Variants in MAST4 observed in about 807,000 individuals in gnomAD.
The protein encoded by MAST4 is microtubule associated serine/threonine kinase family member 4.
MAST4 carries 89 observed loss-of-function variants against 162.7 expected under a neutral mutation model. The observed-to-expected ratio is 0.55, with a 90% CI of 0.46 to 0.65. MAST4 has a LOEUF of 0.65. Ranked by LOEUF, MAST4 falls within the 30% of genes least tolerant of loss-of-function variation. The pLI is 0.00. For missense variants in MAST4, 3,153 were observed against 3,374.0 expected, an observed-to-expected ratio of 0.93 and a Z score of 1.62; for synonymous variants, 1,479 against 1,361.1, an observed-to-expected ratio of 1.09 and a Z score of -1.91.
At chr5:67,142,076 T>A (rs371003210) in intron 19 of MAST4, 39 bp from the exon 20 acceptor site, 134 of 1,604,064 alleles carry the variant, frequency 8.4e-5, no homozygotes, top group Non-Finnish European at 1.1e-4. Flanking sequence ...TGGGGATAGT[T>A]TAACACTTTC....
intron 3 of MAST4, among the ~76,000 whole-genome samples, chr5:66,826,324 A>G (rs1404340925): frequency 6.6e-6 from 1 of 152,016 alleles, no homozygotes; most frequent in African/African-American, 2.4e-5. Flanking sequence ...TTTTATCTCA[A>G]AATATTCCTT....
At chr5:66,813,162 T>C (rs542376053) in intron 3 of MAST4, among the ~76,000 whole-genome samples, 10 of 152,360 alleles carry the variant, frequency 6.6e-5, no homozygotes, top group African/African-American at 1.9e-4. Flanking sequence ...TATATAGTTA[T>C]TAACTTTTTA....
In MAST4 at chr5:67,047,669, A is replaced by G. The variant is rs145440435; in HGVS notation, c.675-6735A>G. Among the ~76,000 whole-genome samples, 212 of 152,324 alleles carry G rather than the reference A, an allele frequency of 1.4e-3. 6 individuals are homozygous for G. The highest frequency in any genetic ancestry group is 4.9e-3 in the African/African-American group (205 of 41,578). ...GCAGAGATTTTTGTTTGTTTAGAAT[A>G]GTGCCTAGCATATCTTAGGCACTCA... On this transcript the variant is annotated intron_variant, in intron 4 of 28. Transcript: ENST00000403625.
chr5:67,158,086 G>C (rs1772754479), intron 26 of MAST4, among the ~76,000 whole-genome samples: 1 of 152,100 alleles, frequency 6.6e-6, no homozygotes, highest in Admixed American at 6.5e-5. Flanking sequence ...CGCCATGCTT[G>C]TTGCCCCTTT....
intron 3 of MAST4, among the ~76,000 whole-genome samples, chr5:66,837,845 T>A (rs949752069): frequency 7.0e-6 from 1 of 143,366 alleles, no homozygotes; most frequent in Non-Finnish European, 1.5e-5. Flanking sequence ...TTCTATCAAG[T>A]CTCAAGTGAG....
At chr5:66,721,938 A>G (rs550045964) in intron 1 of MAST4, among the ~76,000 whole-genome samples, 1 of 152,098 alleles carries the variant, frequency 6.6e-6, no homozygotes, top group East Asian at 1.9e-4. Context: ...AAATACATCC[A>G]GAATCTCATC....
intron 1 of MAST4, among the ~76,000 whole-genome samples, chr5:66,604,100 C>G (rs1269690406): frequency 6.6e-6 from 1 of 152,136 alleles, no homozygotes; most frequent in Non-Finnish European, 1.5e-5. Flanking sequence ...AAAGCCATGC[C>G]CTAAATGTGA....
At chr5:66,927,716 C>T (rs912869854) in intron 4 of MAST4, among the ~76,000 whole-genome samples, 2 of 152,170 alleles carry the variant, frequency 1.3e-5, no homozygotes, top group Admixed American at 6.5e-5. Context: ...CTTGAAGATG[C>T]GCCATCTGCC....
At chr5:67,085,876 A>G (rs143968002) in intron 5 of MAST4, among the ~76,000 whole-genome samples, 166 of 152,298 alleles carry the variant, frequency 1.1e-3, no homozygotes, top group African/African-American at 3.8e-3. Flanking sequence ...CAAAGTTCTC[A>G]GGGGGAACGG....
intron 8 of MAST4, among the ~76,000 whole-genome samples, chr5:67,101,753 T>C (rs941697786): frequency 6.6e-6 from 1 of 152,022 alleles, no homozygotes; most frequent in East Asian, 1.9e-4. Flanking sequence ...TTCTGAGATA[T>C]GGAATTAACA....
chr5:66,699,917 TA>T (rs553340559), intron 1 of MAST4, among the ~76,000 whole-genome samples: 157 of 145,836 alleles, frequency 1.1e-3, no homozygotes, highest in Admixed American at 2.5e-3. Flanking sequence ...TCCCGGAACT[TA>T]AAAAAAAAAA....
intron 3 of MAST4, among the ~76,000 whole-genome samples, chr5:66,820,586 C>T (rs1756946370): frequency 6.6e-6 from 1 of 152,048 alleles, no homozygotes; most frequent in Non-Finnish European, 1.5e-5. Context: ...CATAAACACT[C>T]TCATATGAAA....
At chr5:66,726,279 G>T (rs773989230) in intron 1 of MAST4, among the ~76,000 whole-genome samples, 1 of 152,108 alleles carries the variant, frequency 6.6e-6, no homozygotes, top group African/African-American at 2.4e-5. Flanking sequence ...TTTCTTGGGG[G>T]CAGGAGAGCA....
chr5:67,099,502 A>T (rs2545389), intron 7 of MAST4, among the ~76,000 whole-genome samples: 56,207 of 150,680 alleles, frequency 0.37, 12,579 homozygotes, highest in African/African-American at 0.65. Context: ...AATGATTTTT[A>T]AAAAAAATGC....
At chr5:67,078,913 T>TAAATATATATATATAATATATATATATA (rs1184932403) in intron 5 of MAST4, among the ~76,000 whole-genome samples, 9 of 62,838 alleles carry the variant, frequency 1.4e-4, no homozygotes, top group African/African-American at 6.4e-4. Flanking sequence ...TTTATATAAA[T>TAAATATATATATATAATATATATATATA]ATATATATAT....
At chr5:67,154,410 A>C (rs1156331304) in intron 26 of MAST4, among the ~76,000 whole-genome samples, 9 of 152,224 alleles carry the variant, frequency 5.9e-5, no homozygotes, top group Non-Finnish European at 1.5e-5. Flanking sequence ...AGAAGTATAC[A>C]TTTGCTTATT....
At chr5:66,615,736 A>C (rs1156833516) in intron 1 of MAST4, among the ~76,000 whole-genome samples, 2 of 152,050 alleles carry the variant, frequency 1.3e-5, no homozygotes, top group Non-Finnish European at 2.9e-5. Context: ...TGAGCCCAGG[A>C]ATTTGAGGCT....
chr5:67,087,189 C>T (rs1763333080), intron 5 of MAST4, among the ~76,000 whole-genome samples: 1 of 152,170 alleles, frequency 6.6e-6, no homozygotes, highest in South Asian at 2.1e-4. Context: ...ATTAGAGGGT[C>T]AGTCATTTTC....
intron 1 of MAST4, among the ~76,000 whole-genome samples, chr5:66,616,689 G>C (rs1041923596): frequency 4.6e-5 from 7 of 152,180 alleles, no homozygotes; most frequent in African/African-American, 1.4e-4. Flanking sequence ...GCTGGCCGGG[G>C]CCTCTGTGTG....
Sources: gnomAD v4.1 joint callset for allele counts (sites outside exome capture counted in the v4.1 genomes callset) on GRCh38, gnomAD v4.1.1 for gene constraint, MANE v1.5 for transcripts, NCBI Gene and HGNC (gene_info 2026-07-23, HGNC 2026-07-21) for gene names.